PZP: variants seen among roughly 807,000 people sequenced by gnomAD.
PZP encodes pregnancy zone protein.
PZP carries 150 observed loss-of-function variants against 179.8 expected under a neutral mutation model. That is an observed-to-expected ratio of 0.83 (90% CI 0.73 to 0.96). The LOEUF (loss-of-function observed/expected upper bound fraction) is 0.96, where lower values mean the gene tolerates loss of function less well. Ranked by LOEUF, PZP falls within the 40% of genes least tolerant of loss-of-function variation. The pLI is 0.00. For synonymous variants in PZP, 624 were observed against 652.3 expected, an observed-to-expected ratio of 0.96 and a Z score of 0.66; for missense variants, 1,689 against 1,764.0, an observed-to-expected ratio of 0.96 and a Z score of 0.76.
Position 9,197,061 on chromosome 12 carries a change from C to T in PZP, c.818G>A (p.Arg273His), listed in dbSNP as rs997780627. Reference sequence around the variant, plus strand: ...CTCCTGCTTGTCACAATTAAGAACACGAGATAATTTTCTACACAGGCTCAC... The same window carrying T: ...CTCCTGCTTGTCACAATTAAGAACATGAGATAATTTTCTACACAGGCTCAC... ...ATVSLCRKLS[R>H]VLNCDKQEVC... Residue 273 changes from arginine to histidine, a missense_variant, in exon 8 of 36, where the codon CGT becomes CAT. Arg to His is a conservative substitution (Grantham distance 29, BLOSUM62 0). Coordinates refer to ENST00000261336, the MANE Select transcript of PZP (RefSeq NM_002864.3). 15 of 1,613,502 alleles carry T rather than the reference C, an allele frequency of 9.3e-6. No individual in the cohort carries two copies. Among genetic ancestry groups the T allele is most frequent in the African/African-American group, 5.3e-5 (4 of 74,958 alleles).
At chr12:9,161,511 T>C (rs1323075504) in intron 22 of PZP, among the ~76,000 whole-genome samples, 2 of 152,188 alleles carry the variant, frequency 1.3e-5, no homozygotes, top group South Asian at 2.1e-4. Flanking sequence ...TTTAACTATA[T>C]TTTTGCATGG....
chr12:9,204,942 A>T (rs1276635975), intron 1 of PZP, among the ~76,000 whole-genome samples: 1 of 152,144 alleles, frequency 6.6e-6, no homozygotes, highest in East Asian at 1.9e-4. Context: ...ACAAAAATTA[A>T]AATAAAAAAT....
At chr12:9,149,064 C>G in intron 35 of PZP, 70 bp from the exon 36 acceptor site, 2 of 1,397,128 alleles carry the variant, frequency 1.4e-6, no homozygotes, top group Non-Finnish European at 1.0e-6. Flanking sequence ...GTGTGGGCAG[C>G]AGAGTGAGCT....
Position 9,202,302 on chromosome 12 carries a change from A to G in PZP, c.480+17T>C. On this transcript the variant is annotated intron_variant, in intron 4 of 35. Transcript: ENST00000261336. ...CCACTCTACCCACAACCCAAACCAC[A>G]GATAGTGGATGCTTACCAGTTCATT... 1.9e-6 allele frequency: 3 copies of G among 1,605,230 alleles called. No individual in the cohort carries two copies. Among genetic ancestry groups the G allele is most frequent in the African/African-American group, 2.7e-5 (2 of 74,840 alleles).
Position 9,152,296 on chromosome 12 carries a change from C to T in PZP, c.4136G>A (p.Arg1379His), listed in dbSNP as rs746631971. ...AACAATCACCATATTGGAAGCAGGA[C>T]GGTTTCCTGTGTAACTGTAGTGTCA... ...ISLTISYTGNRPASNMVIVDV... is the reference protein window; with the variant it reads ...ISLTISYTGNHPASNMVIVDV... The change falls in exon 32 of 36, where the codon CGT (arginine) becomes CAT (histidine). Residue 1379 changes from arginine (R) to histidine (H), a missense_variant. Arg to His is a conservative substitution (Grantham distance 29). Coordinates refer to ENST00000261336, the MANE Select transcript of PZP (RefSeq NM_002864.3). 2.4e-5 allele frequency: 38 copies of T among 1,612,842 alleles called. No individual in the cohort carries two copies. The highest frequency in any genetic ancestry group is 1.6e-4 in the Middle Eastern group (1 of 6,078).
At chr12:9,171,820 C>T (rs1160095472) in intron 15 of PZP, among the ~76,000 whole-genome samples, 1 of 152,084 alleles carries the variant, frequency 6.6e-6, no homozygotes, top group Non-Finnish European at 1.5e-5. Context: ...TGAACAAAAC[C>T]TCTGAGAAAT....
chr12:9,158,656 C>A, intron 25 of PZP, 80 bp from the exon 26 acceptor site: 11 of 1,395,462 alleles, frequency 7.9e-6, no homozygotes, highest in Non-Finnish European at 1.1e-5. Flanking sequence ...CAGGCTCCCC[C>A]ATCACAGTGT....
At chr12:9,136,675 C>G in the PZP span, among the ~76,000 whole-genome samples, 1 of 152,052 alleles carries the variant, frequency 6.6e-6, no homozygotes. Flanking sequence ...GTTTTCTCCA[C>G]ATCTTTGCCA....
At chr12:9,150,035 T>C (rs185319648) in intron 34 of PZP, among the ~76,000 whole-genome samples, 2 of 152,350 alleles carry the variant, frequency 1.3e-5, no homozygotes, top group Non-Finnish European at 2.9e-5. Flanking sequence ...TCTTCCTGTT[T>C]GTTCTTCCTG....
rs763784007 is a variant in PZP at position 9,160,040 on chromosome 12, T to G, written c.3050-15A>C. On this transcript the variant is annotated splice_polypyrimidine_tract_variant and intron_variant, in intron 24 of 35. Coordinates refer to ENST00000261336, the MANE Select transcript of PZP (RefSeq NM_002864.3). ...TCTCTGGTAACCTGAAATGGAAGGC[T>G]TCAGATTGTTCATGAAGCATTAAAG... 7 of 1,603,380 alleles carry G rather than the reference T, an allele frequency of 4.4e-6. No homozygotes were observed. The East Asian group carries it at 1.6e-4, about 36-fold the overall frequency.
intron 25 of PZP, 139 bp from the exon 26 acceptor site, chr12:9,158,715 CT>C: frequency 1.6e-6 from 1 of 637,884 alleles, no homozygotes; most frequent in Non-Finnish European, 2.3e-6. Context: ...GAGACTTTTT[CT>C]TTTTAGCTTA....
chr12:9,171,339 C>A (rs1941986035), intron 15 of PZP, among the ~76,000 whole-genome samples: 1 of 152,126 alleles, frequency 6.6e-6, no homozygotes, highest in Non-Finnish European at 1.5e-5. Context: ...AGACCTAACA[C>A]AAATCTAATT....
intron 11 of PZP, 26 bp from the exon 12 acceptor site, chr12:9,192,765 G>C (rs375719550): frequency 2.0e-6 from 3 of 1,491,278 alleles, no homozygotes; most frequent in South Asian, 1.1e-5. Context: ...AGCAAAGAAA[G>C]AATACTGTCT....
Position 9,154,659 on chromosome 12 carries a change from A to T in PZP, c.3731T>A (p.Ile1244Asn), listed in dbSNP as rs1592444083. The T allele has an allele frequency of 6.2e-7, 1 of 1,614,148 alleles. No homozygotes were observed. Among genetic ancestry groups the T allele is most frequent in the African/African-American group, 1.3e-5 (1 of 75,038 alleles). Residue 1244 changes from isoleucine to asparagine, a missense_variant, in exon 29 of 36, where the codon ATC (isoleucine) becomes AAC (asparagine). Transcript: ENST00000261336. The stretch of plus-strand genomic sequence containing the variant: ...ACCTTGGGCGTTCTGCTGCTTCATG[A>T]TCCACTTCACAATGTTAGTTGCAGA... ...LTSATNIVKW[I>N]MKQQNAQGGF... is the part of the protein sequence containing the mutation.
intron 21 of PZP, 86 bp downstream of exon 21, chr12:9,163,582 T>G: frequency 3.8e-4 from 543 of 1,432,890 alleles, no homozygotes; most frequent in Non-Finnish European, 4.8e-4. Flanking sequence ...TGTGTGAGCA[T>G]GATATTAATG....
At chr12:9,186,028 G>A (rs1025296166) in intron 13 of PZP, among the ~76,000 whole-genome samples, 63 of 151,780 alleles carry the variant, frequency 4.2e-4, no homozygotes, top group Middle Eastern at 3.2e-3. Context: ...GGATGGTCTC[G>A]ATCTCCTGAC....
chr12:9,189,690 T>C (rs748737681), intron 13 of PZP, among the ~76,000 whole-genome samples: 33 of 152,126 alleles, frequency 2.2e-4, no homozygotes, highest in Admixed American at 1.2e-3. Context: ...AAACTATCAA[T>C]AGAGTAAACA....
intron 13 of PZP, among the ~76,000 whole-genome samples, chr12:9,189,752 G>A (rs760149912): frequency 1.3e-5 from 2 of 152,204 alleles, no homozygotes; most frequent in East Asian, 3.9e-4. Context: ...TCCAATAAAG[G>A]TCTAATATCT....
At chr12:9,176,443 C>T (rs1942368672) in intron 15 of PZP, among the ~76,000 whole-genome samples, 1 of 152,056 alleles carries the variant, frequency 6.6e-6, no homozygotes, top group Non-Finnish European at 1.5e-5. Context: ...GCACTTGTAC[C>T]CCTGAAGTTA....
Sources: allele counts gnomAD v4.1 joint callset (sites outside exome capture counted in the v4.1 genomes callset), GRCh38; gene constraint gnomAD v4.1.1; transcripts MANE v1.5; gene names NCBI Gene and HGNC (gene_info 2026-07-23, HGNC 2026-07-21).